Variants in SHF observed in about 807,000 individuals in gnomAD.
SHF encodes Src homology 2 domain containing F.
A neutral mutation model predicts 42.4 loss-of-function variants in SHF; 30 were observed. The observed-to-expected ratio is 0.71, with a 90% CI of 0.53 to 0.96. The LOEUF is 0.96. SHF is among the 40% of genes least tolerant of loss of function. The probability of loss-of-function intolerance (pLI) is 0.00; values close to 1 mark genes in which losing one functional copy is unlikely to be tolerated. For missense variants in SHF, 598 were observed against 634.0 expected, an observed-to-expected ratio of 0.94 and a Z score of 0.61; for synonymous variants, 264 against 269.9, an observed-to-expected ratio of 0.98 and a Z score of 0.21.
chr15:45,189,346 C>T (rs951620453), upstream of SHF, among the ~76,000 whole-genome samples: 2 of 151,260 alleles, frequency 1.3e-5, no homozygotes, highest in Non-Finnish European at 2.9e-5. Flanking sequence ...ACCCCCTTTC[C>T]CCCACTGCCT....
At chr15:45,196,567 T>C (rs1366966218) in intron 2 of SHF, among the ~76,000 whole-genome samples, 1 of 152,184 alleles carries the variant, frequency 6.6e-6, no homozygotes, top group Non-Finnish European at 1.5e-5. Context: ...CAGTTGCTTT[T>C]ACCAACTTTC....
chr15:45,169,979 T>C (rs1296614536), intron 6 of SHF, among the ~76,000 whole-genome samples: 1 of 152,234 alleles, frequency 6.6e-6, no homozygotes, highest in Non-Finnish European at 1.5e-5. Flanking sequence ...AGAGAAGCCA[T>C]TTATATGCAA....
intron 2 of SHF, among the ~76,000 whole-genome samples, chr15:45,193,110 C>T (rs1230821868): frequency 2.6e-5 from 4 of 152,164 alleles, no homozygotes; most frequent in Non-Finnish European, 4.4e-5. Context: ...TGTTTTATCC[C>T]CCACATTGAT....
chr15:45,186,871 T>C (rs1165964871), intron 1 of SHF, among the ~76,000 whole-genome samples: 4 of 152,196 alleles, frequency 2.6e-5, no homozygotes, highest in East Asian at 3.9e-4. Flanking sequence ...CAACAGCCTA[T>C]AGGGCAAAGG....
At chr15:45,180,915 G>T (rs539070721) in intron 1 of SHF, among the ~76,000 whole-genome samples, 4 of 152,236 alleles carry the variant, frequency 2.6e-5, no homozygotes, top group African/African-American at 9.6e-5. Context: ...TTCAGGAGAG[G>T]AAGCACAAAT....
intron 2 of SHF, among the ~76,000 whole-genome samples, chr15:45,198,272 AAAAT>A (rs1394716851): frequency 2.6e-5 from 4 of 152,098 alleles, no homozygotes; most frequent in South Asian, 2.1e-4. Context: ...GACTGTCTCA[AAAAT>A]AAATAAATAA....
In SHF at chr15:45,175,305, C is replaced by G; in HGVS notation, c.761G>C (p.Arg254Pro). Residue 254 changes from arginine (R) to proline (P), a missense_variant, in exon 3 of 7, where the codon CGC (arginine) becomes CCC (proline). By Grantham distance (103) the Arg-to-Pro change is moderately radical (BLOSUM62 -2). Around this residue, in one of 2 missense-constraint regions of SHF, gnomAD observed 439 missense variants for 524.6 expected, o/e 0.84. Coordinates refer to ENST00000690270, the MANE Select transcript of SHF (RefSeq NM_001394037.1). ...GEGAPWPRES[R>P]LPEDDERPPE... ...GGGCCTCTCATCATCCTCTGGCAGG[C>G]GGGACTCCCGGGGCCAGGGGGCCCC... The G allele has an allele frequency of 6.2e-7, 1 of 1,608,924 alleles. No homozygotes were observed. The highest frequency in any genetic ancestry group is 8.5e-7 in the Non-Finnish European group (1 of 1,177,496).
upstream of SHF, among the ~76,000 whole-genome samples, chr15:45,188,698 G>T (rs1898602790): frequency 4.6e-5 from 7 of 152,332 alleles, no homozygotes; most frequent in South Asian, 1.5e-3. Context: ...GGCCCACATG[G>T]CCCTGACGAT....
chr15:45,170,404 T>C (rs1384688253), intron 6 of SHF: 10 of 1,288,888 alleles, frequency 7.8e-6, no homozygotes, highest in Non-Finnish European at 1.0e-5. Flanking sequence ...TCTGAGGTTA[T>C]GTAAATCAAA....
intron 1 of SHF, among the ~76,000 whole-genome samples, chr15:45,182,329 T>G (rs1898170688): frequency 6.6e-6 from 1 of 152,258 alleles, no homozygotes; most frequent in South Asian, 2.1e-4. Context: ...CCTCTTTTTA[T>G]GTGTAGACCT....
intron 2 of SHF, among the ~76,000 whole-genome samples, chr15:45,175,720 T>A (rs1897763686): frequency 6.6e-6 from 1 of 152,226 alleles, no homozygotes; most frequent in Admixed American, 6.5e-5. Context: ...TTTAGGAAAC[T>A]GAGGCACAAC....
At chr15:45,170,005 A>G (rs906001751) in intron 6 of SHF, among the ~76,000 whole-genome samples, 2 of 152,272 alleles carry the variant, frequency 1.3e-5, no homozygotes, top group Non-Finnish European at 2.9e-5. Context: ...GCTCTGGCAG[A>G]CAGATGCGGA....
intron 1 of SHF, among the ~76,000 whole-genome samples, chr15:45,179,336 A>AT (rs556675019): frequency 1.1e-3 from 169 of 152,366 alleles, no homozygotes; most frequent in Middle Eastern, 6.8e-3. Context: ...ACCAGGGGGC[A>AT]TCTTGGCTGT....
chr15:45,177,930 T>C (rs962308620), intron 2 of SHF, among the ~76,000 whole-genome samples: 2 of 152,218 alleles, frequency 1.3e-5, no homozygotes, highest in African/African-American at 4.8e-5. Context: ...CTATCTTGAA[T>C]ACTTCTATCT....
At chr15:45,172,358 G>A (rs1353775709) in intron 4 of SHF, 40 bp from the exon 5 acceptor site, 22 of 1,508,738 alleles carry the variant, frequency 1.5e-5, no homozygotes, top group Non-Finnish European at 1.8e-5. Context: ...AAGGACCCTA[G>A]AGGTCCTCAG....
chr15:45,179,950 C>G (rs1898037596), intron 1 of SHF, among the ~76,000 whole-genome samples: 1 of 152,174 alleles, frequency 6.6e-6, no homozygotes, highest in Non-Finnish European at 1.5e-5. Flanking sequence ...GAGACCCCTT[C>G]TGCATGTTCC....
intron 1 of SHF, among the ~76,000 whole-genome samples, chr15:45,184,102 A>G (rs542764666): frequency 3.3e-5 from 5 of 152,362 alleles, no homozygotes; most frequent in African/African-American, 1.2e-4. Context: ...AAAGGCAAGT[A>G]TGAGGTCTTC....
intron 2 of SHF, among the ~76,000 whole-genome samples, chr15:45,175,814 C>A (rs557844514): frequency 1.4e-3 from 119 of 87,574 alleles, no homozygotes; most frequent in African/African-American, 4.1e-3. Flanking sequence ...TTTTCTTTTT[C>A]TTTTCTTTTT....
At position 45,187,768 on chromosome 15, in the gene SHF, CG is replaced by C; in HGVS notation, c.183del (p.Gly62AlafsTer106). On this transcript the variant is annotated frameshift_variant, in exon 1 of 7. Transcript: ENST00000690270. LOFTEE classifies it high-confidence loss of function. ...GCCGGCTTGCTGCCCCCTCCGCCGC[CG>C]CCCCCCCCGCGGAAGCCCAGGTGCT... Reference protein sequence around the residue: ...LREHLGFRGGGGGGGGSKPAP... With the variant: ...LREHLGFRGGXGGGGGSKPAP... 1 of 905,512 alleles carries C rather than the reference CG, an allele frequency of 1.1e-6. No homozygotes were observed. The highest frequency in any genetic ancestry group is 1.4e-6 in the Non-Finnish European group (1 of 699,264). 56.1% of individuals were successfully genotyped at this position (905,512 alleles called of 1,614,324 possible).
Sources: allele counts gnomAD v4.1 joint callset (sites outside exome capture counted in the v4.1 genomes callset), GRCh38; gene constraint gnomAD v4.1.1; regional missense constraint gnomAD v4.1.1; transcripts MANE v1.5; gene names NCBI Gene and HGNC (gene_info 2026-07-23, HGNC 2026-07-21).